The following IMPA2 variants were observed in gnomAD, a reference collection of about 807,000 sequenced individuals.
IMPA2 encodes inositol monophosphatase 2.
IMPA2 carries 32 observed loss-of-function variants against 35.1 expected under a neutral mutation model. That is an observed-to-expected ratio of 0.91 (90% CI 0.69 to 1.23). The LOEUF (loss-of-function observed/expected upper bound fraction) is 1.23. Ranked by LOEUF, IMPA2 falls within the 50% of genes most tolerant of loss-of-function variation. The probability of loss-of-function intolerance (pLI) is 0.00; values close to 1 mark genes in which losing one functional copy is unlikely to be tolerated. For synonymous variants in IMPA2, 135 were observed against 160.6 expected, an observed-to-expected ratio of 0.84 and a Z score of 1.20; for missense variants, 334 against 387.6, an observed-to-expected ratio of 0.86 and a Z score of 1.16.
chr18:12,003,409 G>C (rs935527566), intron 2 of IMPA2, among the ~76,000 whole-genome samples: 1 of 152,146 alleles, frequency 6.6e-6, no homozygotes, highest in Admixed American at 6.5e-5. Flanking sequence ...ACTTTCAGAG[G>C]CCGAGGTGGG....
At chr18:12,011,056 T>G (rs1288702104) in intron 3 of IMPA2, among the ~76,000 whole-genome samples, 1 of 152,154 alleles carries the variant, frequency 6.6e-6, no homozygotes, top group Non-Finnish European at 1.5e-5. Flanking sequence ...TGCCTGCTCG[T>G]GGTTCCAGGG....
At chr18:12,025,407 G>A (rs915981723) in intron 5 of IMPA2, among the ~76,000 whole-genome samples, 15 of 152,206 alleles carry the variant, frequency 9.9e-5, no homozygotes, top group Admixed American at 3.3e-4. Flanking sequence ...ATTGCTGGAC[G>A]GTATGGTAAG....
chr18:12,009,744 T>A (rs558746978), intron 2 of IMPA2, 139 bp from the exon 3 acceptor site: 1 of 691,902 alleles, frequency 1.4e-6, no homozygotes, highest in South Asian at 1.7e-5. Context: ...TTAAAGACTC[T>A]GCCTCTGTTT....
chr18:12,002,646 A>T (rs1907143045), intron 2 of IMPA2, among the ~76,000 whole-genome samples: 1 of 151,490 alleles, frequency 6.6e-6, no homozygotes. Flanking sequence ...ATGCTGGTGC[A>T]CGCTTATGCT....
intron 2 of IMPA2, among the ~76,000 whole-genome samples, chr18:12,000,543 A>G (rs1055001816): frequency 6.8e-6 from 1 of 146,430 alleles, no homozygotes; most frequent in East Asian, 2.0e-4. Context: ...CTAACTTCCT[A>G]TTTCCCTACT....
chr18:11,985,595 C>A (rs139665779), intron 1 of IMPA2, among the ~76,000 whole-genome samples: 1 of 152,190 alleles, frequency 6.6e-6, no homozygotes, highest in Non-Finnish European at 1.5e-5. Context: ...TTTTCACAGA[C>A]TTGCTCCTGG....
intron 5 of IMPA2, among the ~76,000 whole-genome samples, chr18:12,017,165 T>C (rs1038795215): frequency 6.6e-6 from 1 of 152,220 alleles, no homozygotes; most frequent in Admixed American, 6.5e-5. Context: ...TATTAGCTGC[T>C]TCTTCAAATT....
At chr18:11,993,521 C>T (rs536049087) in intron 1 of IMPA2, among the ~76,000 whole-genome samples, 19 of 152,166 alleles carry the variant, frequency 1.2e-4, no homozygotes, top group Non-Finnish European at 2.4e-4. Context: ...AGCACCCTGC[C>T]GGGGTGAGGG....
chr18:12,030,420 T>C lies in IMPA2; in HGVS notation c.829T>C (p.Leu277=). 2.5e-6 allele frequency: 4 copies of C among 1,614,206 alleles called. No individual in the cohort carries two copies. Among genetic ancestry groups the C allele is most frequent in the Non-Finnish European group, 2.5e-6 (3 of 1,180,022 alleles). Residue 277 remains leucine, a synonymous_variant, in exon 8 of 8, where the codon TTA becomes CTA. Transcript: ENST00000269159. ...GATGGCGATGCTCATAGCTCAGGCCTTACAGACGATTAACTATGGGCGGGA... is the reference window on the plus strand; with the variant it reads ...GATGGCGATGCTCATAGCTCAGGCCCTACAGACGATTAACTATGGGCGGGA... ...REMAMLIAQA[L]QTINYGRDDE... is the part of the protein sequence containing the mutation.
chr18:12,020,252 G>GT (rs1907692472), intron 5 of IMPA2, among the ~76,000 whole-genome samples: 1 of 151,890 alleles, frequency 6.6e-6, no homozygotes, highest in Non-Finnish European at 1.5e-5. Flanking sequence ...GGAGTGCAGT[G>GT]GTGAGATTTC....
rs111470922 is a variant in IMPA2 at position 12,013,742 on chromosome 18, A to G, written c.382-523A>G. Among the ~76,000 whole-genome samples the G allele has an allele frequency of 2.5e-3, 377 of 152,222 alleles. 3 individuals are homozygous for G. The highest frequency in any genetic ancestry group is 8.5e-3 in the African/African-American group (353 of 41,554). On this transcript the variant is annotated intron_variant, in intron 4 of 7. Coordinates refer to ENST00000269159, the MANE Select transcript of IMPA2 (RefSeq NM_014214.3). ...TTCCCTGATGTGGGGCAGTCGGGCC[A>G]CTGTTCAGCGCACTGCCTGCTCACG... is the stretch of plus-strand genomic sequence containing the variant.
At chr18:12,028,200 G>A (rs749523162) in intron 6 of IMPA2, 49 bp downstream of exon 6, 15 of 1,263,898 alleles carry the variant, frequency 1.2e-5, no homozygotes, top group Admixed American at 1.7e-5. Context: ...GAGGAAGAAC[G>A]GAACACGGAC....
chr18:11,986,848 C>T (rs1322568323), intron 1 of IMPA2, among the ~76,000 whole-genome samples: 1 of 152,208 alleles, frequency 6.6e-6, no homozygotes, highest in Non-Finnish European at 1.5e-5. Context: ...TGTAGTGGCC[C>T]TGCCCGTGTG....
intron 5 of IMPA2, among the ~76,000 whole-genome samples, chr18:12,017,232 CA>C (rs1907602977): frequency 6.6e-6 from 1 of 152,220 alleles, no homozygotes; most frequent in Non-Finnish European, 1.5e-5. Context: ...AATGATGCCC[CA>C]TGACCCCTCA....
chr18:12,007,641 T>TTC (rs777740421), intron 2 of IMPA2, among the ~76,000 whole-genome samples: 3 of 80,594 alleles, frequency 3.7e-5, no homozygotes, highest in Non-Finnish European at 7.9e-5. Flanking sequence ...CTTTCTTTCT[T>TTC]TCTTTCTTTC....
intron 5 of IMPA2, among the ~76,000 whole-genome samples, chr18:12,022,609 G>T (rs115349153): frequency 4.8e-5 from 7 of 145,822 alleles, no homozygotes; most frequent in Non-Finnish European, 9.0e-5. Flanking sequence ...TAGGACAAAG[G>T]GTAATAAAAT....
At chr18:12,006,120 G>A (rs368590741) in intron 2 of IMPA2, among the ~76,000 whole-genome samples, 65 of 152,332 alleles carry the variant, frequency 4.3e-4, no homozygotes, top group African/African-American at 1.5e-3. Context: ...TGGAAAAACA[G>A]ATTTAGTGCC....
intron 5 of IMPA2, among the ~76,000 whole-genome samples, chr18:12,020,192 A>T (rs1907690424): frequency 6.6e-6 from 1 of 151,780 alleles, no homozygotes; most frequent in African/African-American, 2.4e-5. Context: ...TGATTGATTG[A>T]TTGATTGATT....
intron 5 of IMPA2, among the ~76,000 whole-genome samples, chr18:12,020,531 G>A (rs559670572): frequency 6.6e-6 from 1 of 152,228 alleles, no homozygotes; most frequent in African/African-American, 2.4e-5. Flanking sequence ...TTGAATTACA[G>A]TTTTTAATAT....
Sources: allele counts gnomAD v4.1 joint callset (sites outside exome capture counted in the v4.1 genomes callset), GRCh38; gene constraint gnomAD v4.1.1; transcripts MANE v1.5; gene names NCBI Gene and HGNC (gene_info 2026-07-23, HGNC 2026-07-21).